The following XRCC1 variants were observed in gnomAD, a reference collection of about 807,000 sequenced individuals.
XRCC1 encodes the protein X-ray repair cross complementing 1, also known as DNA repair protein XRCC1.
XRCC1 carries 52 observed loss-of-function variants against 83.3 expected under a neutral mutation model. The observed-to-expected ratio is 0.62, with a 90% CI of 0.50 to 0.79. The LOEUF (loss-of-function observed/expected upper bound fraction) is 0.79. Among genes scored for constraint, XRCC1 ranks in the 30% least tolerant of loss-of-function variants. The pLI, the probability that XRCC1 is intolerant of heterozygous loss-of-function variation, is 0.00. For synonymous variants in XRCC1, 281 were observed against 312.6 expected (o/e 0.90, Z 1.07); for missense variants, 793 against 823.5 (o/e 0.96, Z 0.45).
At chr19:43,569,161 A>G (rs529773709) in intron 2 of XRCC1, among the ~76,000 whole-genome samples, 1 of 151,976 alleles carries the variant, frequency 6.6e-6, no homozygotes, top group African/African-American at 2.4e-5. Context: ...TTATCTCAAT[A>G]CAACAGAATA....
chr19:43,564,680 C>T (rs1972734425), intron 2 of XRCC1, among the ~76,000 whole-genome samples: 1 of 151,836 alleles, frequency 6.6e-6, no homozygotes, highest in Admixed American at 6.6e-5. Context: ...CCCAGCTACT[C>T]AGGAGGCTGA....
In XRCC1 at chr19:43,546,869, CAG is replaced by C. The variant is rs1448296022; in HGVS notation, c.1293+13_1293+14del. ...TCCCACTACACCCTCCCCCACTGGACAGGGGGCATCAGACCTTCTGAGGAAGC... is the reference window on the plus strand; with the variant it reads ...TCCCACTACACCCTCCCCCACTGGACGGGGCATCAGACCTTCTGAGGAAGC... On this transcript the variant is annotated intron_variant, in intron 11 of 16. Coordinates refer to ENST00000262887, the MANE Select transcript of XRCC1 (RefSeq NM_006297.3). 1 of 1,613,510 alleles carries C rather than the reference CAG, an allele frequency of 6.2e-7. No individual in the cohort carries two copies. Among genetic ancestry groups the C allele is most frequent in the Non-Finnish European group, 8.5e-7 (1 of 1,179,730 alleles).
At chr19:43,551,974 G>A in intron 9 of XRCC1, 43 bp downstream of exon 9, 1 of 1,602,450 alleles carries the variant, frequency 6.2e-7, no homozygotes, top group Non-Finnish European at 8.5e-7. Flanking sequence ...CAGGGAGCTG[G>A]GGGAGAAACT....
At chr19:43,562,688 T>C (rs937014881) in intron 2 of XRCC1, among the ~76,000 whole-genome samples, 2 of 152,026 alleles carry the variant, frequency 1.3e-5, no homozygotes, top group Admixed American at 6.6e-5. Context: ...AAGGCTGCAG[T>C]GAGTCATGTT....
intron 2 of XRCC1, among the ~76,000 whole-genome samples, chr19:43,568,653 A>G (rs1212660921): frequency 6.6e-6 from 1 of 151,630 alleles, no homozygotes; most frequent in East Asian, 1.9e-4. Flanking sequence ...TGGAGGCGGT[A>G]GGTATATATG....
chr19:43,552,822 C>A lies in XRCC1; in HGVS notation c.798G>T (p.Ser266=). 1 of 1,611,504 alleles carries A rather than the reference C, an allele frequency of 6.2e-7. No homozygotes were observed. Among genetic ancestry groups the A allele is most frequent in the South Asian group, 1.1e-5 (1 of 90,716 alleles). Residue 266 remains serine (S), a synonymous_variant, in exon 8 of 17, where the codon TCG becomes TCT. Coordinates refer to ENST00000262887, the MANE Select transcript of XRCC1 (RefSeq NM_006297.3). The stretch of plus-strand genomic sequence containing the variant: ...ATTTAGGTCTCTTGGGAACAGATGG[C>A]GACAGCTGGGCTGGTGGTTTGCTGG... ...KTPSKPPAQL[S]PSVPKRPKLP... is the part of the protein sequence containing the mutation.
chr19:43,550,817 G>A (rs1972566941), intron 10 of XRCC1, among the ~76,000 whole-genome samples: 1 of 152,100 alleles, frequency 6.6e-6, no homozygotes. Flanking sequence ...AAGACCCCTC[G>A]CTCTCTGCGG....
At chr19:43,552,731 A>G in intron 8 of XRCC1, 66 bp downstream of exon 8, 1 of 1,435,200 alleles carries the variant, frequency 7.0e-7, no homozygotes, top group Admixed American at 2.4e-5. Flanking sequence ...AGCAGGCTCC[A>G]GCCCCGCTTC....
At chr19:43,547,571 C>A (rs994915533) in intron 10 of XRCC1, among the ~76,000 whole-genome samples, 2 of 151,906 alleles carry the variant, frequency 1.3e-5, no homozygotes, top group East Asian at 3.9e-4. Context: ...ACCTCCACCT[C>A]CCAGGGTTCG....
In XRCC1 at chr19:43,553,835, T is replaced by G. The variant is rs3213357; in HGVS notation, c.415-152A>C. The G allele has an allele frequency of 3.4e-3, 2,122 of 622,180 alleles. 43 individuals carry two copies. In the African/African-American group the frequency reaches 0.035, roughly 10 times the overall value. 38.5% of individuals were successfully genotyped at this position (622,180 alleles called of 1,614,324 possible). A position where few individuals can be genotyped will look rare whatever the true frequency, so the allele number is the denominator to read the frequency against. The stretch of plus-strand genomic sequence containing the variant: ...GGGCCCTGGCGATGGTGATGACAAT[T>G]ATAGGATTAAGCTGTTATGACTGAG... On this transcript the variant is annotated intron_variant, in intron 4 of 16. Transcript: ENST00000262887.
In XRCC1 at chr19:43,553,141, C is replaced by A. The variant is rs367988860; in HGVS notation, c.602-50G>T. 1.1e-5 allele frequency: 17 copies of A among 1,509,698 alleles called. No individual in the cohort carries two copies. In the African/African-American group the frequency reaches 2.4e-4, roughly 21 times the overall value. 93.5% of individuals were successfully genotyped at this position (1,509,698 alleles called of 1,614,324 possible). A position where few individuals can be genotyped will look rare whatever the true frequency, so the allele number is the denominator to read the frequency against. On this transcript the variant is annotated intron_variant, in intron 6 of 16. Coordinates refer to ENST00000262887, the MANE Select transcript of XRCC1 (RefSeq NM_006297.3). Reference sequence around the variant, plus strand: ...GGATGAGAGGGCTGAGCCCCAAGACCCTTTCACTCCTATCTATGGGACACA... The same window carrying A: ...GGATGAGAGGGCTGAGCCCCAAGACACTTTCACTCCTATCTATGGGACACA...
chr19:43,550,929 T>C (rs942425671), intron 10 of XRCC1, among the ~76,000 whole-genome samples: 1 of 152,040 alleles, frequency 6.6e-6, no homozygotes, highest in African/African-American at 2.4e-5. Context: ...TCCTCAGCCT[T>C]GCACATTCCA....
chr19:43,563,916 A>G (rs753104715), intron 2 of XRCC1, among the ~76,000 whole-genome samples: 1 of 152,204 alleles, frequency 6.6e-6, no homozygotes, highest in Non-Finnish European at 1.5e-5. Flanking sequence ...GAGCAAGGAC[A>G]GTATCGTCTG....
In XRCC1 at chr19:43,546,637, G is replaced by A; in HGVS notation, c.1384C>T (p.Pro462Ser). 1.9e-6 allele frequency: 3 copies of A among 1,612,018 alleles called. No homozygotes were observed. The highest frequency in any genetic ancestry group is 1.3e-5 in the African/African-American group (1 of 74,860). Residue 462 changes from proline (P) to serine (S), a missense_variant, in exon 12 of 17, where the codon CCA becomes TCA. By Grantham distance (74) the Pro-to-Ser change is moderately conservative (BLOSUM62 -1). Coordinates refer to ENST00000262887, the MANE Select transcript of XRCC1 (RefSeq NM_006297.3). ...ATGTCTATATCTTCCTGGAGCACTGGTGAGGCTGCTTTGGTCTCTTCAGGG... is the reference window on the plus strand; with the variant it reads ...ATGTCTATATCTTCCTGGAGCACTGATGAGGCTGCTTTGGTCTCTTCAGGG... The part of the protein sequence containing the change: ...PTPEETKAAS[P>S]VLQEDIDIEG...
At chr19:43,553,208 G>T in intron 6 of XRCC1, 117 bp from the exon 7 acceptor site, 1 of 1,239,510 alleles carries the variant, frequency 8.1e-7, no homozygotes, top group Non-Finnish European at 1.1e-6. Context: ...AGGAGTCCCA[G>T]CCTCCAGACC....
chr19:43,561,557 A>G (rs1568516550), intron 2 of XRCC1, among the ~76,000 whole-genome samples: 1 of 152,238 alleles, frequency 6.6e-6, no homozygotes. Context: ...GTAAAATGGG[A>G]ATGACCACCA....
chr19:43,543,563 A>G, intron 16 of XRCC1, 49 bp downstream of exon 16: 1 of 1,613,382 alleles, frequency 6.2e-7, no homozygotes, highest in Non-Finnish European at 8.5e-7. Context: ...GACGGAGGAG[A>G]TGCAAAGGTG....
Position 43,543,515 on chromosome 19 carries a change from G to A in XRCC1, c.1789-10C>T, listed in dbSNP as rs777661657. ...GGTTGTCCATCAGGGCCTGCAGGGT[G>A]GGGTGGAGTCCATACGGGAATGTGT... On this transcript the variant is annotated splice_polypyrimidine_tract_variant and intron_variant, in intron 16 of 16. Coordinates refer to ENST00000262887, the MANE Select transcript of XRCC1 (RefSeq NM_006297.3). 1.9e-6 allele frequency: 3 copies of A among 1,613,580 alleles called. No individual in the cohort carries two copies. Among genetic ancestry groups the A allele is most frequent in the South Asian group, 1.1e-5 (1 of 91,068 alleles).
At chr19:43,548,727 C>T (rs1972543905) in intron 10 of XRCC1, among the ~76,000 whole-genome samples, 1 of 137,546 alleles carries the variant, frequency 7.3e-6, no homozygotes. Flanking sequence ...TCCTATGACC[C>T]TGCCAAATCC....
Sources: allele counts gnomAD v4.1 joint callset (sites outside exome capture counted in the v4.1 genomes callset), GRCh38; gene constraint gnomAD v4.1.1; transcripts MANE v1.5; gene names NCBI Gene and HGNC (gene_info 2026-07-23, HGNC 2026-07-21).